L3MBTL1: variants seen among roughly 807,000 people sequenced by gnomAD.
L3MBTL1 encodes L3MBTL histone methyl-lysine binding protein 1, also known as lethal(3)malignant brain tumor-like protein 1.
Under a neutral mutation model 105.3 loss-of-function variants are expected in L3MBTL1, and 75 were observed. That is an observed-to-expected ratio of 0.71 (90% CI 0.59 to 0.86). L3MBTL1 has a LOEUF of 0.86. Among genes scored for constraint, L3MBTL1 ranks in the 40% least tolerant of loss-of-function variants. The probability of loss-of-function intolerance (pLI) is 0.00; values close to 1 mark genes in which losing one functional copy is unlikely to be tolerated. For missense variants in L3MBTL1, 1,069 were observed against 1,126.4 expected, an observed-to-expected ratio of 0.95 and a Z score of 0.73; for synonymous variants, 452 against 436.2, an observed-to-expected ratio of 1.04 and a Z score of -0.45.
In L3MBTL1 at chr20:43,536,146, T is replaced by C. The variant is rs1426298322; in HGVS notation, c.1975T>C (p.Phe659Leu). 1 of 1,613,658 alleles carries C rather than the reference T, an allele frequency of 6.2e-7. No homozygotes were observed. The highest frequency in any genetic ancestry group is 8.5e-7 in the Non-Finnish European group (1 of 1,180,046). ...CDGSGHVTGK[F>L]TAHHCLSGCP... ...CGGCTCTGGCCATGTCACAGGCAAG[T>C]TCACAGCTCACCATTGCCTCTCAGG... Residue 659 changes from phenylalanine (F) to leucine (L), a missense_variant, in exon 18 of 22, where the codon TTC (phenylalanine) becomes CTC (leucine). Transcript: ENST00000418998.
Position 43,529,324 on chromosome 20 carries a change from G to T in L3MBTL1, c.1012G>T (p.Asp338Tyr), listed in dbSNP as rs1304629746. 6.2e-7 allele frequency: 1 copy of T among 1,613,330 alleles called. No homozygotes were observed. The highest frequency in any genetic ancestry group is 1.7e-5 in the Admixed American group (1 of 59,958). The change falls in exon 9 of 22, where the codon GAC (aspartate) becomes TAC (tyrosine). Residue 338 changes from aspartate to tyrosine, a missense_variant. Physicochemically the swap from Asp to Tyr is radical, Grantham distance 160. Coordinates refer to ENST00000418998, the MANE Select transcript of L3MBTL1 (RefSeq NM_001377303.1). ...FKLGMKLEGIDPQHPSMYFIL... is the reference protein window; with the variant it reads ...FKLGMKLEGIYPQHPSMYFIL... ...ACTGGGCATGAAGTTGGAAGGCATT[G>T]ACCCTCAACACCCGTCCATGTACTT...
At chr20:43,544,898 A>G (rs1002209067), downstream of L3MBTL1, among the ~76,000 whole-genome samples, 12 of 152,078 alleles carry the variant, frequency 7.9e-5, no homozygotes, top group South Asian at 1.5e-3. Context: ...CCTGGGAGGT[A>G]GAGGTTGCAG....
At chr20:43,514,548 AG>A in intron 3 of L3MBTL1, 86 bp from the exon 4 acceptor site, 1 of 1,587,360 alleles carries the variant, frequency 6.3e-7, no homozygotes, top group South Asian at 1.1e-5. Context: ...AGCTGGCATG[AG>A]GCGAAGAGAG....
rs200467755 is a variant in L3MBTL1 at position 43,514,765 on chromosome 20, C to T, written c.491C>T (p.Pro164Leu). ...CCGGCGGGAGATGGCGAGGCGGGCC[C>T]CCAACAGGCGGGTAGGAGCCCCGCT... is the stretch of plus-strand genomic sequence containing the variant. ...GAPAGDGEAG[P>L]QQAEDHPQNP... Residue 164 changes from proline (P) to leucine (L), a missense_variant, in exon 4 of 22, where the codon CCC (proline) becomes CTC (leucine). Transcript: ENST00000418998. 136 of 1,552,228 alleles carry T rather than the reference C, an allele frequency of 8.8e-5. 1 individual carries two copies. The African/African-American group carries it at 1.7e-3, about 20-fold the overall frequency.
At chr20:43,548,010 C>G (rs1978733920) in intron 18 of L3MBTL1, 3 of 633,964 alleles carry the variant, frequency 4.7e-6, no homozygotes, top group Admixed American at 5.9e-5. Flanking sequence ...ACTCCTACTC[C>G]CCTCCCCCAT....
At chr20:43,548,333 C>G in exon 19 of L3MBTL1, 9 of 1,123,886 alleles carry the variant, frequency 8.0e-6, no homozygotes, top group Non-Finnish European at 1.1e-5. Flanking sequence ...CCTCATACCC[C>G]ACACGTCCCC....
intron 19 of L3MBTL1, 37 bp downstream of exon 19, chr20:43,536,495 C>T: frequency 6.2e-7 from 1 of 1,607,910 alleles, no homozygotes; most frequent in Non-Finnish European, 8.5e-7. Context: ...TCCTCCACCA[C>T]AGAGTGTTCA....
intron 1 of L3MBTL1, among the ~76,000 whole-genome samples, chr20:43,511,679 G>A (rs1354723209): frequency 6.6e-6 from 1 of 151,818 alleles, no homozygotes; most frequent in Non-Finnish European, 1.5e-5. Context: ...TAGTCAGGAG[G>A]CTGAGGTAGG....
chr20:43,516,021 C>A, intron 6 of L3MBTL1, 72 bp from the exon 7 acceptor site: 1 of 1,183,348 alleles, frequency 8.5e-7, no homozygotes, highest in Non-Finnish European at 1.3e-6. Context: ...CAGGTAGGGG[C>A]CAGGATCAGA....
intron 7 of L3MBTL1, among the ~76,000 whole-genome samples, chr20:43,517,099 C>CT (rs1156363145): frequency 0.016 from 2,248 of 143,216 alleles, 28 homozygotes; most frequent in African/African-American, 0.034. Flanking sequence ...GCCTGGTCGT[C>CT]TTTTTTTTTT....
intron 2 of L3MBTL1, 29 bp from the exon 3 acceptor site, chr20:43,513,808 TG>T: frequency 6.5e-7 from 1 of 1,543,360 alleles, no homozygotes; most frequent in Non-Finnish European, 8.8e-7. Context: ...GACTCACCTG[TG>T]TCGTGTCTAT....
intron 1 of L3MBTL1, among the ~76,000 whole-genome samples, chr20:43,507,963 C>CA (rs558458475): frequency 5.7e-4 from 87 of 152,244 alleles, no homozygotes; most frequent in African/African-American, 2.0e-3. Context: ...TGCGGGACTC[C>CA]AGGCCCAGCC....
At position 43,541,693 on chromosome 20, in the gene L3MBTL1, T is replaced by A; in HGVS notation, c.*565T>A. On this transcript the variant is annotated 3_prime_UTR_variant, in exon 22 of 22. Transcript: ENST00000418998. The stretch of plus-strand genomic sequence containing the variant: ...AATATCAAGGGCCATGTATCAGGTT[T>A]CTGTATATGTTCCACTATAATCTTA... 4 of 464,798 alleles carry A rather than the reference T, an allele frequency of 8.6e-6. No homozygotes were observed. The highest frequency in any genetic ancestry group is 1.1e-5 in the Non-Finnish European group (4 of 352,482). 28.8% of individuals were successfully genotyped at this position (464,798 alleles called of 1,614,324 possible).
At chr20:43,529,791 T>C (rs1030170401) in intron 9 of L3MBTL1, among the ~76,000 whole-genome samples, 23 of 152,148 alleles carry the variant, frequency 1.5e-4, no homozygotes, top group African/African-American at 5.6e-4. Context: ...AAGGGCCTCC[T>C]TTGCAGAGTC....
At position 43,536,411 on chromosome 20, in the gene L3MBTL1, T is replaced by G; in HGVS notation, c.2126T>G (p.Ile709Ser). ...GGACCTGGTCCGTCTTTCTCCAGAATTGGACGCCCTCCGAAGTATCGAAAG... is the reference window on the plus strand; with the variant it reads ...GGACCTGGTCCGTCTTTCTCCAGAAGTGGACGCCCTCCGAAGTATCGAAAG... ...PRKKPRHHGR[I>S]GRPPKYRKIP... is the part of the protein sequence containing the mutation. Residue 709 changes from isoleucine (I) to serine (S), a missense_variant and splice_region_variant, in exon 19 of 22, where the codon ATT becomes AGT. Ile to Ser is a moderately radical substitution (Grantham distance 142). Transcript: ENST00000418998. 6.2e-7 allele frequency: 1 copy of G among 1,614,066 alleles called. No individual in the cohort carries two copies. The highest frequency in any genetic ancestry group is 8.5e-7 in the Non-Finnish European group (1 of 1,180,036).
chr20:43,534,423 T>C lies in L3MBTL1; in HGVS notation c.1710+29T>C, dbSNP rs769014765. On this transcript the variant is annotated intron_variant, in intron 15 of 21. Transcript: ENST00000418998. ...GCTCTGGGACCCTAGGGCTGGGAAG[T>C]GGACAGGCCAGTTGGGCAGGAATTC... The C allele has an allele frequency of 5.1e-6, 8 of 1,577,094 alleles. No individual in the cohort carries two copies. The African/African-American group carries it at 1.1e-4, about 21-fold the overall frequency.
chr20:43,531,076 A>G, intron 11 of L3MBTL1, 187 bp downstream of exon 11: 2 of 589,498 alleles, frequency 3.4e-6, no homozygotes, highest in Non-Finnish European at 6.0e-6. Context: ...GAAGCTGGTT[A>G]TAGGTTTTTC....
At chr20:43,540,894 C>T (rs761830708) in intron 21 of L3MBTL1, 40 bp from the exon 22 acceptor site, 18 of 1,612,378 alleles carry the variant, frequency 1.1e-5, no homozygotes, top group African/African-American at 4.0e-5. Context: ...CCCTCCCCAG[C>T]GTCACTTCTG....
rs1051006192 is a variant in L3MBTL1 at position 43,547,356 on chromosome 20, T to G, written c.2125-755T>G. ...CCTGACCTCATGATCCGCCCGCCTC[T>G]GCCTCCCAAAGTGCTGGGATTACAG... On this transcript the variant is annotated intron_variant, in intron 18 of 18. Transcript: ENST00000422861. Among the ~76,000 whole-genome samples the G allele has an allele frequency of 7.9e-5, 12 of 152,118 alleles. No individual in the cohort carries two copies. The South Asian group carries it at 1.7e-3, about 21-fold the overall frequency.
Sources: gnomAD v4.1 joint callset for allele counts (sites outside exome capture counted in the v4.1 genomes callset) on GRCh38, gnomAD v4.1.1 for gene constraint, MANE v1.5 for transcripts, NCBI Gene and HGNC (gene_info 2026-07-23, HGNC 2026-07-21) for gene names.